Variants in REXO1 observed in about 807,000 individuals in gnomAD.
The protein encoded by REXO1 is REX1, RNA exonuclease 1 homolog.
In REXO1, 42 loss-of-function variants were observed where a neutral mutation model predicts 102.6. That is an observed-to-expected ratio of 0.41 (90% CI 0.32 to 0.53). The LOEUF is 0.53. REXO1 is among the 20% of genes least tolerant of loss of function. The probability of loss-of-function intolerance (pLI) is 0.27; values close to 1 mark genes in which losing one functional copy is unlikely to be tolerated. For missense variants in REXO1, 1,819 were observed against 1,732.5 expected, an observed-to-expected ratio of 1.05 and a Z score of -0.89; for synonymous variants, 908 against 779.1, an observed-to-expected ratio of 1.17 and a Z score of -2.76.
chr19:1,830,706 C>T (rs1599152357), intron 1 of REXO1: 1 of 243,246 alleles, frequency 4.1e-6, no homozygotes, highest in Non-Finnish European at 8.7e-6. Context: ...TCTCCCTTGC[C>T]CGTCACTGAG....
In REXO1 at chr19:1,827,232, G is replaced by C; in HGVS notation, c.1557C>G (p.Ala519=). ...CCTCACTCTCGTCCCCAAAGAGGTC[G>C]GCGTGGCTCAGGGCCCGCTTCTTCA... The part of the protein sequence containing the change: ...PKLKKRALSH[A]DLFGDESEDE... Residue 519 remains alanine, a synonymous_variant, in exon 2 of 16, where the codon GCC becomes GCG. Coordinates refer to ENST00000170168, the MANE Select transcript of REXO1 (RefSeq NM_020695.4). 1 of 1,548,188 alleles carries C rather than the reference G, an allele frequency of 6.5e-7. No individual in the cohort carries two copies. Among genetic ancestry groups the C allele is most frequent in the Non-Finnish European group, 8.7e-7 (1 of 1,151,926 alleles).
chr19:1,818,760 C>G lies in REXO1; in HGVS notation c.2848G>C (p.Glu950Gln), dbSNP rs770569535. ...KENGYPFPHP[E>Q]RPGGAIIFTA... ...AAGATGATTGCGCCCCCGGGCCGCT[C>G]TGGGTGCGGGAAGGGGTAGCCGTTC... is the stretch of plus-strand genomic sequence containing the variant. The change falls in exon 9 of 16, where the codon GAG becomes CAG. Residue 950 changes from glutamate to glutamine, a missense_variant. Physicochemically the swap from Glu to Gln is conservative, Grantham distance 29 (BLOSUM62 2). Coordinates refer to ENST00000170168, the MANE Select transcript of REXO1 (RefSeq NM_020695.4). 3 of 1,610,686 alleles carry G rather than the reference C, an allele frequency of 1.9e-6. No homozygotes were observed. The highest frequency in any genetic ancestry group is 1.3e-5 in the African/African-American group (1 of 75,030).
chr19:1,828,737 C>T (rs988968194), intron 1 of REXO1, 106 bp from the exon 2 acceptor site: 7 of 1,362,764 alleles, frequency 5.1e-6, no homozygotes, highest in Admixed American at 2.5e-5. Context: ...GACCTGCCTC[C>T]GAAACCCACC....
Position 1,818,799 on chromosome 19 carries a change from C to T in REXO1, c.2809G>A (p.Asp937Asn). The T allele has an allele frequency of 6.2e-7, 1 of 1,609,652 alleles. No individual in the cohort carries two copies. ...GGGTAGCCGTTCTCCTTGAGCTGGT[C>T]CTGGGTGAGCAGGTACTCCCTGAGG... is the stretch of plus-strand genomic sequence containing the variant. ...SRLREYLLTQ[D>N]QLKENGYPFP... The change falls in exon 9 of 16, where the codon GAC (aspartate) becomes AAC (asparagine). Residue 937 changes from aspartate to asparagine, a missense_variant. By Grantham distance (23) the Asp-to-Asn change is conservative. Coordinates refer to ENST00000170168, the MANE Select transcript of REXO1 (RefSeq NM_020695.4).
intron 1 of REXO1, among the ~76,000 whole-genome samples, chr19:1,845,239 C>T (rs2011485176): frequency 6.6e-6 from 1 of 152,208 alleles, no homozygotes; most frequent in Admixed American, 6.5e-5. Flanking sequence ...TCCCAACTCA[C>T]AAGGCTGGGA....
intron 8 of REXO1, 51 bp from the exon 9 acceptor site, chr19:1,818,894 G>A: frequency 6.3e-7 from 1 of 1,595,822 alleles, no homozygotes; most frequent in Non-Finnish European, 8.5e-7. Context: ...CCACGGGGCG[G>A]TAGACACCAC....
intron 1 of REXO1, among the ~76,000 whole-genome samples, chr19:1,840,365 AAG>A (rs1287022408): frequency 1.3e-5 from 2 of 152,148 alleles, no homozygotes; most frequent in Non-Finnish European, 2.9e-5. Context: ...TGGGAACAGG[AAG>A]AGACTCCAGA....
intron 12 of REXO1, 32 bp downstream of exon 12, chr19:1,817,187 T>C: frequency 6.2e-7 from 1 of 1,608,146 alleles, no homozygotes; most frequent in Non-Finnish European, 8.5e-7. Flanking sequence ...TCCCCAATCC[T>C]GAACCCGACG....
At chr19:1,835,060 AG>A in intron 1 of REXO1, 2 of 340,670 alleles carry the variant, frequency 5.9e-6, no homozygotes, top group Non-Finnish European at 6.4e-6. Flanking sequence ...AGCTCAGAAC[AG>A]GGGGTACGGC....
chr19:1,826,873 C>G lies in REXO1; in HGVS notation c.1911+5G>C. On this transcript the variant is annotated splice_donor_5th_base_variant and intron_variant, in intron 2 of 15. Transcript: ENST00000170168. The surrounding 1 kb of genome is among the most constrained non-coding windows in gnomAD (Gnocchi z 4.3). ...GAGCCCAGCCCCAGCACCCGCGCGC[C>G]TCACCTGCCGGGCCAGCCGGCCTCT... 6.4e-7 allele frequency: 1 copy of G among 1,569,718 alleles called. No homozygotes were observed.
rs1278811059 is a variant in REXO1, at chr19:1,815,593, T to G, written c.*473A>C. The G allele has an allele frequency of 4.8e-6, 4 of 824,860 alleles. No individual in the cohort carries two copies. The highest frequency in any genetic ancestry group is 6.4e-6 in the Non-Finnish European group (4 of 625,282). 51.1% of individuals were successfully genotyped at this position (824,860 alleles called of 1,614,324 possible). On this transcript the variant is annotated 3_prime_UTR_variant, in exon 16 of 16. Coordinates refer to ENST00000170168, the MANE Select transcript of REXO1 (RefSeq NM_020695.4). The surrounding 1 kb of genome is among the most constrained non-coding windows in gnomAD (Gnocchi z 4.0). The stretch of plus-strand genomic sequence containing the variant: ...GCAGGAGGGAAGGCAGCAGGCCCGC[T>G]CTTCCCGGTGGGAAAGATGCTGTGC...
intron 1 of REXO1, among the ~76,000 whole-genome samples, chr19:1,839,750 C>T (rs1465095348): frequency 1.3e-5 from 2 of 152,262 alleles, no homozygotes; most frequent in South Asian, 2.1e-4. Context: ...CCCCAAAGTC[C>T]ACTTCCTCCA....
chr19:1,835,169 C>T (rs1035910766), intron 1 of REXO1, among the ~76,000 whole-genome samples: 1 of 152,196 alleles, frequency 6.6e-6, no homozygotes, highest in Non-Finnish European at 1.5e-5. Flanking sequence ...ATCTGGGTAC[C>T]TGTCAGGACT....
At chr19:1,829,833 G>A (rs1443507749) in intron 1 of REXO1, among the ~76,000 whole-genome samples, 1 of 152,142 alleles carries the variant, frequency 6.6e-6, no homozygotes, top group Non-Finnish European at 1.5e-5. Flanking sequence ...TGTAGAGGTG[G>A]AGTCTCACCA....
Position 1,848,458 on chromosome 19 carries a change from C to T in REXO1, c.-100G>A. 1 of 918,050 alleles carries T rather than the reference C, an allele frequency of 1.1e-6. No individual in the cohort carries two copies. Among genetic ancestry groups the T allele is most frequent in the Admixed American group, 5.4e-5 (1 of 18,396 alleles). 56.9% of individuals were successfully genotyped at this position (918,050 alleles called of 1,614,324 possible). A position where few individuals can be genotyped will look rare whatever the true frequency, so the allele number is the denominator to read the frequency against. On this transcript the variant is annotated 5_prime_UTR_variant, in exon 1 of 16. Transcript: ENST00000170168. Reference sequence around the variant, plus strand: ...GCCGCCCGCGCCTCACGGACCCCGCCGCCGCCATCTTGCTCCGAGGCCCCC... The same window carrying T: ...GCCGCCCGCGCCTCACGGACCCCGCTGCCGCCATCTTGCTCCGAGGCCCCC...
In REXO1 at chr19:1,821,541, A is replaced by G; in HGVS notation, c.2372T>C (p.Ile791Thr). The part of the protein sequence containing the change: ...KTTTTIIPKR[I>T]AHSPSLQSLK... Reference sequence around the variant, plus strand: ...TACCTGTAAGGATGGACTGTGGGCGATTCGCTTAGGGATGATGGTGGTGGT... The same window carrying G: ...TACCTGTAAGGATGGACTGTGGGCGGTTCGCTTAGGGATGATGGTGGTGGT... The change falls in exon 5 of 16, where the codon ATC becomes ACC. Residue 791 changes from isoleucine (I) to threonine (T), a missense_variant. Physicochemically the swap from Ile to Thr is moderately conservative, Grantham distance 89. Transcript: ENST00000170168. 1 of 1,613,694 alleles carries G rather than the reference A, an allele frequency of 6.2e-7. No homozygotes were observed. Among genetic ancestry groups the G allele is most frequent in the Non-Finnish European group, 8.5e-7 (1 of 1,179,816 alleles).
intron 1 of REXO1, among the ~76,000 whole-genome samples, chr19:1,844,588 T>C (rs1381377066): frequency 6.6e-6 from 1 of 152,140 alleles, no homozygotes; most frequent in African/African-American, 2.4e-5. Context: ...CCTGAGCGCC[T>C]CTACCCCAGG....
intron 1 of REXO1, among the ~76,000 whole-genome samples, chr19:1,844,272 C>T (rs2145338080): frequency 6.6e-6 from 1 of 152,348 alleles, no homozygotes; most frequent in East Asian, 1.9e-4. Context: ...TCAGTTTCCT[C>T]ATCTGTAAAC....
intron 1 of REXO1, among the ~76,000 whole-genome samples, chr19:1,832,369 C>G (rs116640285): frequency 1.6e-3 from 239 of 152,296 alleles, no homozygotes; most frequent in African/African-American, 5.6e-3. Context: ...TGCAGCCTCA[C>G]CGGGTGATGA....
Sources: gnomAD v4.1 joint callset for allele counts (sites outside exome capture counted in the v4.1 genomes callset) on GRCh38, gnomAD v4.1.1 for gene constraint, Gnocchi (gnomAD v3.1) non-coding constraint, MANE v1.5 for transcripts, NCBI Gene and HGNC (gene_info 2026-07-23, HGNC 2026-07-21) for gene names.